CHD5: variants seen among roughly 807,000 people sequenced by gnomAD.
The protein encoded by CHD5 is chromodomain helicase DNA binding protein 5.
Under a neutral mutation model 230.3 loss-of-function variants are expected in CHD5, and 69 were observed. The ratio of observed to expected loss-of-function variants is 0.30; its 90% CI spans 0.25 to 0.37. The LOEUF (loss-of-function observed/expected upper bound fraction) is 0.37. CHD5 is among the 10% of genes least tolerant of loss of function. The pLI is 1.00. For missense variants in CHD5, 1,827 were observed against 2,622.8 expected, an observed-to-expected ratio of 0.70 and a Z score of 6.63; for synonymous variants, 1,064 against 1,065.9, an observed-to-expected ratio of 1.00 and a Z score of 0.03.
rs1380993624 is a variant in CHD5, at chr1:6,142,842, C to T, written c.2044-237G>A. Among the ~76,000 whole-genome samples, 11 of 152,326 alleles carry T rather than the reference C, an allele frequency of 7.2e-5. No homozygotes were observed. In the East Asian group the frequency reaches 1.9e-3, roughly 27 times the overall value. On this transcript the variant is annotated intron_variant, in intron 13 of 41. Coordinates refer to ENST00000262450, the MANE Select transcript of CHD5 (RefSeq NM_015557.3). The surrounding 1 kb of genome is among the most constrained non-coding windows in gnomAD (Gnocchi z 5.2). The stretch of plus-strand genomic sequence containing the variant: ...CTCCCATGGCAGCCCTGTACTTCTC[C>T]TATCAGGGAAATTTCCCGACTGTTG...
At chr1:6,117,106 G>A (rs191062418) in intron 33 of CHD5, among the ~76,000 whole-genome samples, 98 of 151,988 alleles carry the variant, frequency 6.4e-4, no homozygotes, top group Non-Finnish European at 1.1e-3. Flanking sequence ...GAAAAGAGGA[G>A]ATATAAAGAA....
chr1:6,168,865 A>G (rs1667293298), intron 1 of CHD5, among the ~76,000 whole-genome samples: 1 of 152,092 alleles, frequency 6.6e-6, no homozygotes, highest in African/African-American at 2.4e-5. Flanking sequence ...CTAAAAATAC[A>G]AAAATTAGCT....
Position 6,128,701 on chromosome 1 carries a change from T to A in CHD5, c.3620-92A>T. 7.7e-7 allele frequency: 1 copy of A among 1,300,524 alleles called. No homozygotes were observed. Among genetic ancestry groups the A allele is most frequent in the Non-Finnish European group, 1.1e-6 (1 of 910,484 alleles). 80.6% of individuals were successfully genotyped at this position (1,300,524 alleles called of 1,614,324 possible). On this transcript the variant is annotated intron_variant, in intron 23 of 41. Coordinates refer to ENST00000262450, the MANE Select transcript of CHD5 (RefSeq NM_015557.3). This position sits in a 1 kb window ranked among gnomAD's most constrained non-coding sequence, Gnocchi z 7.8. The stretch of plus-strand genomic sequence containing the variant: ...CCAGAGACACCACCCTGGGCTGTCC[T>A]AGCCAGGAGATACAGGTGGGGGGTG...
In CHD5 at chr1:6,131,538, C is replaced by T. The variant is rs1666657842; in HGVS notation, c.3262+93G>A. ...TAGCTGTTTGTGAGGCTGCTCAACACAACACCAGCTGGGTGACCTGGCTAA... is the reference window on the plus strand; with the variant it reads ...TAGCTGTTTGTGAGGCTGCTCAACATAACACCAGCTGGGTGACCTGGCTAA... On this transcript the variant is annotated intron_variant, in intron 21 of 41. Coordinates refer to ENST00000262450, the MANE Select transcript of CHD5 (RefSeq NM_015557.3). This position sits in a 1 kb window ranked among gnomAD's most constrained non-coding sequence, Gnocchi z 5.0. 1.4e-6 allele frequency: 1 copy of T among 740,598 alleles called. No individual in the cohort carries two copies. 45.9% of individuals were successfully genotyped at this position (740,598 alleles called of 1,614,324 possible).
chr1:6,112,398 G>C (rs905439014), intron 34 of CHD5, 121 bp from the exon 35 acceptor site: 5 of 1,248,474 alleles, frequency 4.0e-6, no homozygotes, highest in African/African-American at 1.5e-5. Flanking sequence ...GTCCTCAGGG[G>C]ACTCGCTGCC....
chr1:6,105,476 C>A lies in CHD5; in HGVS notation c.*47-49G>T, dbSNP rs950525559. 2.2e-6 allele frequency: 1 copy of A among 460,318 alleles called. No individual in the cohort carries two copies. The highest frequency in any genetic ancestry group is 2.0e-5 in the African/African-American group (1 of 49,498). The allele number at this position is 460,318 out of a possible 1,614,324, so 28.5% of individuals were successfully genotyped here. Reference sequence around the variant, plus strand: ...TAAGCAGGTGGGCAGTTATAGGGGGCATCAGGGTGGCACCCAACAGCCTGT... The same window carrying A: ...TAAGCAGGTGGGCAGTTATAGGGGGAATCAGGGTGGCACCCAACAGCCTGT... On this transcript the variant is annotated intron_variant, in intron 41 of 41. Coordinates refer to ENST00000262450, the MANE Select transcript of CHD5 (RefSeq NM_015557.3). This position sits in a 1 kb window ranked among gnomAD's most constrained non-coding sequence, Gnocchi z 4.8.
At chr1:6,179,889 G>A (rs1185210043) in intron 1 of CHD5, 56 bp downstream of exon 1, 2 of 1,038,870 alleles carry the variant, frequency 1.9e-6, no homozygotes, top group Admixed American at 3.5e-5. Context: ...CCCTGGGCCC[G>A]GCCCGTCTCG....
rs1366021427 is a variant in CHD5, at chr1:6,121,863, G to A, written c.4700-290C>T. 6.6e-6 allele frequency among the ~76,000 whole-genome samples: 1 copy of A among 152,210 alleles called. No individual in the cohort carries two copies. Among genetic ancestry groups the A allele is most frequent in the Admixed American group, 6.5e-5 (1 of 15,292 alleles). On this transcript the variant is annotated intron_variant, in intron 31 of 41. Coordinates refer to ENST00000262450, the MANE Select transcript of CHD5 (RefSeq NM_015557.3). The surrounding 1 kb of genome is among the most constrained non-coding windows in gnomAD (Gnocchi z 4.5). ...TGCTCATCTGGAGGCAGGGAAGTGAGGCAGATGGAGGCCCAGATTGGGAGC... is the reference window on the plus strand; with the variant it reads ...TGCTCATCTGGAGGCAGGGAAGTGAAGCAGATGGAGGCCCAGATTGGGAGC...
chr1:6,125,965 T>TA lies in CHD5; in HGVS notation c.4079-108dup. 7 of 776,252 alleles carry TA rather than the reference T, an allele frequency of 9.0e-6. No homozygotes were observed. The South Asian group carries it at 1.1e-4, about 12-fold the overall frequency. The allele number at this position is 776,252 out of a possible 1,614,324, so 48.1% of individuals were successfully genotyped here. ...GCCGAGCCCCTGCACCCCAGCTCCA[T>TA]AAAAAAGCAGTGACAATGGCCCACA... is the stretch of plus-strand genomic sequence containing the variant. On this transcript the variant is annotated intron_variant, in intron 26 of 41. Coordinates refer to ENST00000262450, the MANE Select transcript of CHD5 (RefSeq NM_015557.3). This position sits in a 1 kb window ranked among gnomAD's most constrained non-coding sequence, Gnocchi z 6.7.
chr1:6,134,777 T>A lies in CHD5; in HGVS notation c.2953A>T (p.Ile985Phe). 1 of 1,614,132 alleles carries A rather than the reference T, an allele frequency of 6.2e-7. No individual in the cohort carries two copies. Among genetic ancestry groups the A allele is most frequent in the Non-Finnish European group, 8.5e-7 (1 of 1,179,994 alleles). ...GGGNQVSLLNIMMDLKKCCNH... is the reference protein window; with the variant it reads ...GGGNQVSLLNFMMDLKKCCNH... ...CAGCACTTTTTCAGGTCCATCATGA[T>A]GTTGAGCAGCGATACTTGGTTCCCG... Residue 985 changes from isoleucine (I) to phenylalanine (F), a missense_variant, in exon 19 of 42, where the codon ATC becomes TTC. Ile to Phe is a conservative substitution (Grantham distance 21). Transcript: ENST00000262450. The surrounding 1 kb of genome is among the most constrained non-coding windows in gnomAD (Gnocchi z 6.3).
intron 1 of CHD5, among the ~76,000 whole-genome samples, chr1:6,178,163 C>T (rs1039372174): frequency 5.3e-5 from 8 of 152,118 alleles, no homozygotes; most frequent in Non-Finnish European, 1.0e-4. Context: ...GCTCTGGGGG[C>T]ACTCCTGGAG....
chr1:6,126,486 G>C lies in CHD5; in HGVS notation c.4078+86C>G. The C allele has an allele frequency of 3.5e-6, 3 of 845,520 alleles. No homozygotes were observed. Among genetic ancestry groups the C allele is most frequent in the South Asian group, 2.8e-5 (2 of 70,862 alleles). 52.4% of individuals were successfully genotyped at this position (845,520 alleles called of 1,614,324 possible). A position where few individuals can be genotyped will look rare whatever the true frequency, so the allele number is the denominator to read the frequency against. On this transcript the variant is annotated intron_variant, in intron 26 of 41. Transcript: ENST00000262450. The surrounding 1 kb of genome is among the most constrained non-coding windows in gnomAD (Gnocchi z 5.7). ...CTCTCCCGGCCCGCACCTCCCGGGG[G>C]TTCTGCACAGGGATGCCCTGACAGA...
chr1:6,158,302 T>C (rs1351662452), intron 3 of CHD5, among the ~76,000 whole-genome samples: 1 of 152,192 alleles, frequency 6.6e-6, no homozygotes, highest in Non-Finnish European at 1.5e-5. Flanking sequence ...CTGTAGCCGC[T>C]CTGCCCCACG....
chr1:6,133,826 G>T (rs1666695373), intron 20 of CHD5, among the ~76,000 whole-genome samples: 1 of 152,242 alleles, frequency 6.6e-6, no homozygotes, highest in Non-Finnish European at 1.5e-5. Context: ...ACCTTAATGA[G>T]AAGCCAGGCT....
intron 33 of CHD5, among the ~76,000 whole-genome samples, chr1:6,115,233 G>A (rs1666361495): frequency 6.6e-6 from 1 of 151,132 alleles, no homozygotes; most frequent in Non-Finnish European, 1.5e-5. Context: ...GGCTGAGGTG[G>A]GAGAGAGACT....
rs758655351 is a variant in CHD5 at position 6,109,775 on chromosome 1, G to C, written c.5578+20C>G. 1.3e-5 allele frequency: 21 copies of C among 1,604,062 alleles called. No individual in the cohort carries two copies. Among genetic ancestry groups the C allele is most frequent in the South Asian group, 4.4e-5 (4 of 90,588 alleles). On this transcript the variant is annotated intron_variant, in intron 38 of 41. Transcript: ENST00000262450. ...GAGGAAGGGCGGGGGGCTGCACCGT[G>C]GGGGGCAGGACTTGCTCACCCTTGT...
At chr1:6,132,548 C>T (rs1035522228) in intron 20 of CHD5, among the ~76,000 whole-genome samples, 1 of 152,188 alleles carries the variant, frequency 6.6e-6, no homozygotes, top group Non-Finnish European at 1.5e-5. Context: ...TTTTCTGTTT[C>T]TTCTGCAACT....
Position 6,134,974 on chromosome 1 carries a change from C to T in CHD5, c.2871-115G>A. On this transcript the variant is annotated intron_variant, in intron 18 of 41. Transcript: ENST00000262450. This position sits in a 1 kb window ranked among gnomAD's most constrained non-coding sequence, Gnocchi z 6.3. ...CCAAGCACCCATTTACAGAGAGACCCAAGGGACCCCCAAGAGGTGAAGCCA... is the reference window on the plus strand; with the variant it reads ...CCAAGCACCCATTTACAGAGAGACCTAAGGGACCCCCAAGAGGTGAAGCCA... 1 of 1,346,986 alleles carries T rather than the reference C, an allele frequency of 7.4e-7. No individual in the cohort carries two copies. Among genetic ancestry groups the T allele is most frequent in the Non-Finnish European group, 1.0e-6 (1 of 968,778 alleles). 83.4% of individuals were successfully genotyped at this position (1,346,986 alleles called of 1,614,324 possible). A position where few individuals can be genotyped will look rare whatever the true frequency, so the allele number is the denominator to read the frequency against.
rs1050224472 is a variant in CHD5 at position 6,155,770 on chromosome 1, C to A, written c.388-53G>T. 4 of 1,389,352 alleles carry A rather than the reference C, an allele frequency of 2.9e-6. No individual in the cohort carries two copies. Among genetic ancestry groups the A allele is most frequent in the Admixed American group, 3.4e-5 (2 of 59,210 alleles). 86.1% of individuals were successfully genotyped at this position (1,389,352 alleles called of 1,614,324 possible). A position where few individuals can be genotyped will look rare whatever the true frequency, so the allele number is the denominator to read the frequency against. On this transcript the variant is annotated intron_variant, in intron 3 of 41. Coordinates refer to ENST00000262450, the MANE Select transcript of CHD5 (RefSeq NM_015557.3). This position sits in a 1 kb window ranked among gnomAD's most constrained non-coding sequence, Gnocchi z 4.0. ...TTGTTGAGGGGCCTTCTGACCTGCACCCCCATCCCCAGGGTCTCTGCCTAG... is the reference window on the plus strand; with the variant it reads ...TTGTTGAGGGGCCTTCTGACCTGCAACCCCATCCCCAGGGTCTCTGCCTAG...
Sources: gnomAD v4.1 joint callset for allele counts (sites outside exome capture counted in the v4.1 genomes callset) on GRCh38, gnomAD v4.1.1 for gene constraint, Gnocchi (gnomAD v3.1) non-coding constraint, MANE v1.5 for transcripts, NCBI Gene and HGNC (gene_info 2026-07-23, HGNC 2026-07-21) for gene names.